Variants in GNAS observed in about 807,000 individuals in gnomAD.
The protein encoded by GNAS is GNAS complex locus, also known as protein ALEX.
A neutral mutation model predicts 54.5 loss-of-function variants in GNAS; 8 were observed. The ratio of observed to expected loss-of-function variants is 0.15; its 90% CI spans 0.09 to 0.26. The LOEUF (loss-of-function observed/expected upper bound fraction) is 0.26, where lower values mean the gene tolerates loss of function less well. Among genes scored for constraint, GNAS ranks in the 10% least tolerant of loss-of-function variants. The pLI is 1.00. For missense variants in GNAS, 170 were observed against 529.8 expected (o/e 0.32, Z 6.67); for synonymous variants, 204 against 191.4 (o/e 1.07, Z -0.54).
chr20:58,850,485 A>G (rs1568918827), intron 1 of GNAS: 4 of 398,210 alleles, frequency 1.0e-5, no homozygotes, highest in Non-Finnish European at 1.8e-5. Context: ...CCTTTGGAGC[A>G]CCCATGGCAG....
upstream of GNAS, chr20:58,890,805 T>C (rs2089145233): frequency 1.3e-5 from 2 of 152,276 alleles, no homozygotes; most frequent in South Asian, 4.1e-4. Context: ...TTTTTATTCG[T>C]GTTCGTGTGT....
chr20:58,899,123 T>G, intron 3 of GNAS, 138 bp downstream of exon 3: 2 of 767,164 alleles, frequency 2.6e-6, no homozygotes, highest in Non-Finnish European at 4.6e-6. Context: ...CATACATTTG[T>G]GAATAACACA....
chr20:58,898,745 T>C (rs1217824202), intron 2 of GNAS, 196 bp from the exon 3 acceptor site: 4 of 665,294 alleles, frequency 6.0e-6, no homozygotes, highest in Admixed American at 4.3e-5. Context: ...TCTTCCCCCA[T>C]GGCCTGCAGT....
chr20:58,885,221 A>T (rs1009264766), intron 1 of GNAS, among the ~76,000 whole-genome samples: 18 of 152,284 alleles, frequency 1.2e-4, no homozygotes, highest in African/African-American at 4.1e-4. Flanking sequence ...GTCCACAGAG[A>T]CCAGGAAGCC....
intron 1 of GNAS, among the ~76,000 whole-genome samples, chr20:58,878,147 T>A (rs1208661393): frequency 3.3e-5 from 5 of 152,186 alleles, no homozygotes; most frequent in African/African-American, 1.2e-4. Flanking sequence ...CAAGAGATGA[T>A]GTGAGCCTGC....
At chr20:58,897,726 T>TA (rs1481725760) in intron 2 of GNAS, 3 of 152,238 alleles carry the variant, frequency 2.0e-5, no homozygotes, top group Admixed American at 6.5e-5. Context: ...AGGGCACAGA[T>TA]ACGTTAAATT....
At chr20:58,896,152 A>T (rs932166986) in intron 2 of GNAS, among the ~76,000 whole-genome samples, 1 of 152,212 alleles carries the variant, frequency 6.6e-6, no homozygotes, top group Admixed American at 6.5e-5. Context: ...GTTTTAAACT[A>T]TTAGGGAAAC....
Position 58,910,985 on chromosome 20 carries a change from G to T in GNAS, c.*156G>T. ...TTTGCGAAACCCCCTTTTCCCTTCA[G>T]CTTGCTTAGATGTTCCAAATTTAGA... is the stretch of plus-strand genomic sequence containing the variant. On this transcript the variant is annotated 3_prime_UTR_variant, in exon 13 of 13. Transcript: ENST00000371085. This position sits in a 1 kb window ranked among gnomAD's most constrained non-coding sequence, Gnocchi z 5.8. 2 of 773,228 alleles carry T rather than the reference G, an allele frequency of 2.6e-6. No individual in the cohort carries two copies. The highest frequency in any genetic ancestry group is 4.4e-6 in the Non-Finnish European group (2 of 452,044). The allele number at this position is 773,228 out of a possible 1,614,324, so 47.9% of individuals were successfully genotyped here. A position where few individuals can be genotyped will look rare whatever the true frequency, so the allele number is the denominator to read the frequency against.
chr20:58,888,235 A>C (rs1184360048), upstream of GNAS, among the ~76,000 whole-genome samples: 2 of 152,150 alleles, frequency 1.3e-5, no homozygotes, highest in Non-Finnish European at 2.9e-5. Flanking sequence ...TGTCCCATCC[A>C]AGACACTGCT....
At chr20:58,869,995 C>T (rs941313135) in intron 1 of GNAS, among the ~76,000 whole-genome samples, 8 of 152,212 alleles carry the variant, frequency 5.3e-5, no homozygotes, top group African/African-American at 9.7e-5. Context: ...TGCACCACCC[C>T]ACCCAGCAGC....
At chr20:58,893,066 CTTTTTTTTTTTTTT>C (rs869179421) in intron 1 of GNAS, among the ~76,000 whole-genome samples, 1 of 103,088 alleles carries the variant, frequency 9.7e-6, no homozygotes, top group Non-Finnish European at 1.9e-5. Context: ...GGCGTGGTTT[CTTTTTTTTTTTTTT>C]TTTTTTTTTG....
chr20:58,854,286 G>C (rs777234998), intron 1 of GNAS: 1 of 1,609,364 alleles, frequency 6.2e-7, no homozygotes, highest in Non-Finnish European at 8.5e-7. Context: ...CAAGGTCTCC[G>C]GAGCCCCAGA....
At chr20:58,861,106 T>C (rs1207700400) in intron 1 of GNAS, among the ~76,000 whole-genome samples, 2 of 152,240 alleles carry the variant, frequency 1.3e-5, no homozygotes, top group Admixed American at 1.3e-4. Context: ...CCAGCAAAAT[T>C]GTGGCTCTTC....
chr20:58,875,561 C>T (rs1951863742), intron 1 of GNAS, among the ~76,000 whole-genome samples: 1 of 152,210 alleles, frequency 6.6e-6, no homozygotes, highest in East Asian at 1.9e-4. Context: ...TCTATGGCTG[C>T]CTAGCAGCCC....
chr20:58,898,878 T>G, intron 2 of GNAS, 63 bp from the exon 3 acceptor site: 2 of 1,320,348 alleles, frequency 1.5e-6, no homozygotes, highest in Non-Finnish European at 2.2e-6. Context: ...AGAGACTGTG[T>G]GGGGTTTGTG....
intron 1 of GNAS, chr20:58,892,143 C>G (rs1274418792): frequency 2.1e-6 from 2 of 961,088 alleles, no homozygotes; most frequent in African/African-American, 1.8e-5. Context: ...TGCTCTCGCT[C>G]TCGCTCTCCC....
chr20:58,851,856 G>A (rs559307696), intron 1 of GNAS, among the ~76,000 whole-genome samples: 2 of 152,324 alleles, frequency 1.3e-5, no homozygotes, highest in East Asian at 3.9e-4. Context: ...GGGGCTAAAG[G>A]AGCTGACTGA....
In GNAS at chr20:58,853,984, C is replaced by A; in HGVS notation, c.43+13098C>A. ...GGATTTGGGGACGACAGCCCACCCCCGGGGCTTTCCCGAGTTATCGCACAA... is the reference window on the plus strand; with the variant it reads ...GGATTTGGGGACGACAGCCCACCCCAGGGGCTTTCCCGAGTTATCGCACAA... On this transcript the variant is annotated intron_variant, in intron 1 of 12. Coordinates refer to the GNAS transcript ENST00000306090. This position sits in a 1 kb window ranked among gnomAD's most constrained non-coding sequence, Gnocchi z 4.4. 6.2e-7 allele frequency: 1 copy of A among 1,612,048 alleles called. No homozygotes were observed. Among genetic ancestry groups the A allele is most frequent in the Non-Finnish European group, 8.5e-7 (1 of 1,179,732 alleles).
intron 2 of GNAS, among the ~76,000 whole-genome samples, chr20:58,896,629 AAAAAAG>A (rs372011265): frequency 1.3e-3 from 193 of 152,136 alleles, no homozygotes; most frequent in African/African-American, 4.2e-3. Flanking sequence ...TGTAAAAAAA[AAAAAAG>A]AAAAAGAAAA....
Sources: gnomAD v4.1 joint callset for allele counts (sites outside exome capture counted in the v4.1 genomes callset) on GRCh38, gnomAD v4.1.1 for gene constraint, Gnocchi (gnomAD v3.1) non-coding constraint, MANE v1.5 for transcripts, NCBI Gene and HGNC (gene_info 2026-07-23, HGNC 2026-07-21) for gene names.